The following CDC23 variants were observed in gnomAD, a reference collection of about 807,000 sequenced individuals.
CDC23 encodes the protein cell division cycle protein 23 homolog.
In CDC23, 26 loss-of-function variants were observed where a neutral mutation model predicts 81.7. The ratio of observed to expected loss-of-function variants is 0.32; its 90% CI spans 0.23 to 0.44. The LOEUF is 0.44. CDC23 is among the 20% of genes least tolerant of loss of function. The pLI is 1.00. For synonymous variants in CDC23, 267 were observed against 270.8 expected, an observed-to-expected ratio of 0.99 and a Z score of 0.14; for missense variants, 519 against 728.0, an observed-to-expected ratio of 0.71 and a Z score of 3.30.
chr5:138,202,043 T>C, intron 4 of CDC23, 70 bp downstream of exon 4: 2 of 1,070,138 alleles, frequency 1.9e-6, no homozygotes, highest in East Asian at 2.4e-5. Context: ...ATTACCTGCC[T>C]GGCTGTTGGA....
intron 3 of CDC23, chr5:138,205,772 G>T (rs1247532777): frequency 6.7e-6 from 1 of 149,642 alleles, no homozygotes; most frequent in African/African-American, 2.5e-5. Context: ...ACAAATACAA[G>T]CTATGCTAAT....
intron 3 of CDC23, chr5:138,206,290 G>A: frequency 4.0e-6 from 2 of 503,244 alleles, no homozygotes; most frequent in Non-Finnish European, 3.5e-6. Flanking sequence ...TAATTCACAG[G>A]CATGAAGAAC....
intron 2 of CDC23, among the ~76,000 whole-genome samples, chr5:138,212,281 G>A (rs1233186492): frequency 6.6e-6 from 1 of 152,134 alleles, no homozygotes; most frequent in Non-Finnish European, 1.5e-5. Context: ...TATTTGCTAT[G>A]CTGATCAGAC....
intron 13 of CDC23, among the ~76,000 whole-genome samples, chr5:138,190,742 A>G (rs2126578535): frequency 6.6e-6 from 1 of 151,592 alleles, no homozygotes; most frequent in East Asian, 1.9e-4. Flanking sequence ...CTCCGTCTCA[A>G]AAAAAAAAGA....
intron 6 of CDC23, among the ~76,000 whole-genome samples, chr5:138,199,177 G>A (rs1754956128): frequency 6.6e-6 from 1 of 152,226 alleles, no homozygotes; most frequent in Admixed American, 6.5e-5. Context: ...GTACTGGGAA[G>A]TAGCAGAAAA....
At chr5:138,193,807 A>C (rs985855330) in intron 9 of CDC23, among the ~76,000 whole-genome samples, 1 of 151,358 alleles carries the variant, frequency 6.6e-6, no homozygotes, top group Non-Finnish European at 1.5e-5. Context: ...AAAAATACAA[A>C]ATTAGCTGGG....
chr5:138,207,083 T>G (rs1019824269), intron 2 of CDC23, among the ~76,000 whole-genome samples: 2 of 152,062 alleles, frequency 1.3e-5, no homozygotes, highest in African/African-American at 4.8e-5. Context: ...TTTCGCCATG[T>G]TGGCCAGGCT....
At chr5:138,191,416 C>G in intron 13 of CDC23, 58 bp downstream of exon 13, 2 of 1,425,934 alleles carry the variant, frequency 1.4e-6, no homozygotes. Flanking sequence ...CCATGCAGGA[C>G]CCACCATCCC....
intron 2 of CDC23, among the ~76,000 whole-genome samples, chr5:138,207,221 A>G (rs1755060593): frequency 1.3e-5 from 2 of 152,208 alleles, no homozygotes; most frequent in Admixed American, 1.3e-4. Flanking sequence ...AAAATGGAGA[A>G]AAAAGAAAAC....
At chr5:138,195,749 A>G (rs1254187575) in intron 9 of CDC23, among the ~76,000 whole-genome samples, 73 of 114,796 alleles carry the variant, frequency 6.4e-4, no homozygotes, top group East Asian at 1.1e-3. Flanking sequence ...ATATATATGT[A>G]TATATATACA....
chr5:138,192,213 A>T, intron 11 of CDC23, 56 bp downstream of exon 11: 1 of 1,603,154 alleles, frequency 6.2e-7, no homozygotes, highest in Non-Finnish European at 8.5e-7. Flanking sequence ...CAAAAGAGGA[A>T]AAAAAAGTTA....
At position 138,211,713 on chromosome 5, in the gene CDC23, A is replaced by C. The variant is rs555530392; in HGVS notation, c.234+1278T>G. On this transcript the variant is annotated intron_variant, in intron 2 of 15. Coordinates refer to ENST00000394886, the MANE Select transcript of CDC23 (RefSeq NM_004661.4). ...AAACTGTCTATCAGGTATTATGTTCACTATTTGGATGATGGGTTCAACTGA... is the reference window on the plus strand; with the variant it reads ...AAACTGTCTATCAGGTATTATGTTCCCTATTTGGATGATGGGTTCAACTGA... 3.9e-5 allele frequency among the ~76,000 whole-genome samples: 6 copies of C among 152,240 alleles called. No homozygotes were observed. The East Asian group carries it at 1.2e-3, about 29-fold the overall frequency.
chr5:138,206,402 GAT>G, intron 3 of CDC23, 143 bp downstream of exon 3: 1 of 786,800 alleles, frequency 1.3e-6, no homozygotes, highest in Non-Finnish European at 2.1e-6. Flanking sequence ...CTTTATTTAT[GAT>G]ATCTTTTTTT....
intron 7 of CDC23, 22 bp downstream of exon 7, chr5:138,198,583 T>C (rs750477008): frequency 2.5e-6 from 4 of 1,613,612 alleles, no homozygotes; most frequent in Admixed American, 1.7e-5. Context: ...CTGATAGTAT[T>C]TCATTGTCTT....
intron 4 of CDC23, 146 bp from the exon 5 acceptor site, chr5:138,201,594 G>A (rs1467090656): frequency 1.0e-5 from 6 of 600,752 alleles, no homozygotes; most frequent in Admixed American, 3.4e-5. Flanking sequence ...TGATCCTTCC[G>A]CCTCAGACTC....
At chr5:138,195,321 C>A (rs568779302) in intron 9 of CDC23, among the ~76,000 whole-genome samples, 2 of 150,102 alleles carry the variant, frequency 1.3e-5, no homozygotes, top group African/African-American at 4.9e-5. Context: ...ATGGGCCAGG[C>A]GCAGTGGCTC....
chr5:138,206,789 T>C (rs569575719), intron 2 of CDC23, 105 bp from the exon 3 acceptor site: 1 of 1,076,464 alleles, frequency 9.3e-7, no homozygotes, highest in East Asian at 2.6e-5. Flanking sequence ...AAAAGGATTG[T>C]TTTCTTCCTC....
intron 2 of CDC23, among the ~76,000 whole-genome samples, chr5:138,211,068 G>A (rs529775442): frequency 3.3e-5 from 5 of 152,164 alleles, no homozygotes; most frequent in South Asian, 2.1e-4. Context: ...ATCTGCACTC[G>A]CATGTTTACC....
In CDC23 at chr5:138,198,399, C is replaced by A. The variant is rs758651498; in HGVS notation, c.930+27G>T. The A allele has an allele frequency of 6.2e-6, 10 of 1,606,732 alleles. No individual in the cohort carries two copies. In the Admixed American group the frequency reaches 1.7e-4, roughly 27 times the overall value. ...AGATTAGTGCACAAAAGAGCTTAATCAAATCCAAGCAAGGGAAGCAGCTCA... is the reference window on the plus strand; with the variant it reads ...AGATTAGTGCACAAAAGAGCTTAATAAAATCCAAGCAAGGGAAGCAGCTCA... On this transcript the variant is annotated intron_variant, in intron 8 of 15. Coordinates refer to ENST00000394886, the MANE Select transcript of CDC23 (RefSeq NM_004661.4).
Sources: allele counts gnomAD v4.1 joint callset (sites outside exome capture counted in the v4.1 genomes callset), GRCh38; gene constraint gnomAD v4.1.1; transcripts MANE v1.5; gene names NCBI Gene and HGNC (gene_info 2026-07-23, HGNC 2026-07-21).